Variants in RBPMS observed in about 807,000 individuals in gnomAD.
RBPMS encodes the protein RNA-binding protein with multiple splicing.
RBPMS carries 7 observed loss-of-function variants against 26.8 expected under a neutral mutation model. The observed-to-expected ratio is 0.26, with a 90% confidence interval of 0.15 to 0.49. The LOEUF is 0.49. Ranked by LOEUF, RBPMS falls within the 20% of genes least tolerant of loss-of-function variation. The pLI is 0.98. For missense variants in RBPMS, 186 were observed against 250.0 expected (o/e 0.74, Z 1.73); for synonymous variants, 96 against 93.3 (o/e 1.03, Z -0.17).
intron 1 of RBPMS, among the ~76,000 whole-genome samples, chr8:30,446,654 A>G (rs9297242): frequency 0.25 from 37,567 of 151,980 alleles, 5,011 homozygotes; most frequent in East Asian, 0.42. Flanking sequence ...TTTTTGAGAC[A>G]GGGTTTTGCT....
chr8:30,510,572 C>T (rs1821485835), intron 5 of RBPMS, among the ~76,000 whole-genome samples: 1 of 151,946 alleles, frequency 6.6e-6, no homozygotes, highest in African/African-American at 2.4e-5. Flanking sequence ...TTCAACATTG[C>T]CTACCTTTAT....
intron 8 of RBPMS, among the ~76,000 whole-genome samples, chr8:30,568,087 A>G (rs539351057): frequency 2.0e-5 from 3 of 152,338 alleles, no homozygotes; most frequent in South Asian, 2.1e-4. Context: ...AACTTTTTCA[A>G]TGACACGTTT....
intron 5 of RBPMS, among the ~76,000 whole-genome samples, chr8:30,513,575 G>A (rs755332793): frequency 2.8e-4 from 36 of 126,912 alleles, no homozygotes; most frequent in Non-Finnish European, 3.5e-4. Context: ...GCGACACAGC[G>A]AGACTCCATC....
intron 5 of RBPMS, among the ~76,000 whole-genome samples, chr8:30,537,197 G>A (rs1824889592): frequency 6.6e-6 from 1 of 152,226 alleles, no homozygotes; most frequent in East Asian, 1.9e-4. Context: ...TTAGAAAGCA[G>A]ATCCTTTTAA....
At chr8:30,534,664 T>A (rs1177798882) in intron 5 of RBPMS, among the ~76,000 whole-genome samples, 2 of 151,982 alleles carry the variant, frequency 1.3e-5, no homozygotes, top group Non-Finnish European at 2.9e-5. Context: ...CACAGAAGAG[T>A]TTGCTTATGT....
chr8:30,558,888 T>TG lies in RBPMS; in HGVS notation c.531dup (p.Arg178AlafsTer38). 6.2e-7 allele frequency: 1 copy of TG among 1,614,052 alleles called. No homozygotes were observed. Among genetic ancestry groups the TG allele is most frequent in the Non-Finnish European group, 8.5e-7 (1 of 1,179,956 alleles). ...CGGCCTTCTCCCATGTCTTTTCAGA[T>TG]GCGCTGGCTCCCTCCCTCCGAGGCT... On this transcript the variant is annotated frameshift_variant and splice_region_variant, in exon 7 of 9. Transcript: ENST00000397323. LOFTEE classifies it high-confidence loss of function.
At chr8:30,407,913 T>C (rs1335910495) in intron 1 of RBPMS, among the ~76,000 whole-genome samples, 1 of 147,200 alleles carries the variant, frequency 6.8e-6, no homozygotes, top group Non-Finnish European at 1.5e-5. Context: ...TAGAGAAGTT[T>C]GCTTCAAGGG....
intron 5 of RBPMS, among the ~76,000 whole-genome samples, chr8:30,533,240 A>G (rs913825615): frequency 2.0e-5 from 3 of 152,222 alleles, no homozygotes; most frequent in Non-Finnish European, 2.9e-5. Flanking sequence ...ATCATGGAGT[A>G]TGCAGGGGGA....
chr8:30,489,608 C>T (rs942657301), intron 4 of RBPMS, among the ~76,000 whole-genome samples: 3 of 151,732 alleles, frequency 2.0e-5, no homozygotes, highest in Non-Finnish European at 4.4e-5. Context: ...CCACGCCCGG[C>T]GAATTTTTGA....
chr8:30,563,684 T>C (rs1162934395), intron 7 of RBPMS, among the ~76,000 whole-genome samples: 1 of 152,212 alleles, frequency 6.6e-6, no homozygotes, highest in Non-Finnish European at 1.5e-5. Flanking sequence ...TGGAATGGCC[T>C]TGCCTGTCTT....
chr8:30,497,668 G>A (rs374969483), intron 4 of RBPMS, among the ~76,000 whole-genome samples: 27 of 152,216 alleles, frequency 1.8e-4, no homozygotes, highest in East Asian at 1.7e-3. Context: ...CCAGGCTGGA[G>A]TGCAGTGGCA....
Position 30,385,079 on chromosome 8 carries a change from GA to G in RBPMS, c.-12del, listed in dbSNP as rs1479802702. On this transcript the variant is annotated 5_prime_UTR_variant, in exon 1 of 9. Transcript: ENST00000397323. ...CCCCAGCCCTGCCCGGCCCGGCGAG[GA>G]AGGACCGGGAAGATGAACAACGGCG... 6.6e-7 allele frequency: 1 copy of G among 1,509,704 alleles called. No homozygotes were observed. 93.5% of individuals were successfully genotyped at this position (1,509,704 alleles called of 1,614,324 possible). A position where few individuals can be genotyped will look rare whatever the true frequency, so the allele number is the denominator to read the frequency against.
intron 4 of RBPMS, among the ~76,000 whole-genome samples, chr8:30,500,979 A>T (rs960717378): frequency 6.6e-6 from 1 of 151,942 alleles, no homozygotes. Context: ...GTGATTCTCA[A>T]ATGTGGTCCC....
intron 1 of RBPMS, among the ~76,000 whole-genome samples, chr8:30,424,125 C>T (rs1193576266): frequency 2.0e-5 from 3 of 152,144 alleles, no homozygotes; most frequent in African/African-American, 4.8e-5. Flanking sequence ...CATGAGCCAC[C>T]ATGCTGGGCC....
intron 1 of RBPMS, among the ~76,000 whole-genome samples, chr8:30,460,815 G>T (rs1397919633): frequency 6.6e-6 from 1 of 152,156 alleles, no homozygotes; most frequent in African/African-American, 2.4e-5. Flanking sequence ...CCAGCACTTT[G>T]GGAGGCTGAG....
chr8:30,540,447 G>C (rs1474605773), intron 5 of RBPMS, among the ~76,000 whole-genome samples: 2 of 152,090 alleles, frequency 1.3e-5, no homozygotes, highest in Non-Finnish European at 2.9e-5. Flanking sequence ...TAAGAGACAG[G>C]GTCTTACTCT....
rs984912102 is a variant in RBPMS at position 30,559,630 on chromosome 8, G to A, written c.*7+674G>A. ...GAATTTCTGTTAAGTACAAGGCACT[G>A]TTCTTCTAAACTCTAATTTAGTATG... On this transcript the variant is annotated intron_variant, in intron 7 of 8. Transcript: ENST00000397323. Among the ~76,000 whole-genome samples, 4 of 152,310 alleles carry A rather than the reference G, an allele frequency of 2.6e-5. No homozygotes were observed. The East Asian group carries it at 7.7e-4, about 29-fold the overall frequency.
At chr8:30,477,972 T>G in intron 3 of RBPMS, 135 bp downstream of exon 3, 1 of 631,586 alleles carries the variant, frequency 1.6e-6, no homozygotes, top group East Asian at 2.8e-5. Flanking sequence ...GTGAGATGTA[T>G]TAGGAATTAG....
At chr8:30,526,298 C>T (rs1346509133) in intron 5 of RBPMS, among the ~76,000 whole-genome samples, 1 of 152,206 alleles carries the variant, frequency 6.6e-6, no homozygotes, top group African/African-American at 2.4e-5. Flanking sequence ...AATTTAATCC[C>T]TTTACAAATT....
Sources: allele counts gnomAD v4.1 joint callset (sites outside exome capture counted in the v4.1 genomes callset), GRCh38; gene constraint gnomAD v4.1.1; transcripts MANE v1.5; gene names NCBI Gene and HGNC (gene_info 2026-07-23, HGNC 2026-07-21).